The following RANBP17 variants were observed in gnomAD, a reference collection of about 807,000 sequenced individuals.
RANBP17 encodes ran-binding protein 17.
A neutral mutation model predicts 141.2 loss-of-function variants in RANBP17; 158 were observed. That is an observed-to-expected ratio of 1.12 (90% CI 0.98 to 1.28). RANBP17 has a LOEUF of 1.28. Among genes scored for constraint, RANBP17 ranks in the 50% most tolerant of loss-of-function variants. The pLI is 0.00. For missense variants in RANBP17, 1,438 were observed against 1,290.7 expected, an observed-to-expected ratio of 1.11 and a Z score of -1.75; for synonymous variants, 430 against 450.0, an observed-to-expected ratio of 0.96 and a Z score of 0.56.
intron 14 of RANBP17, among the ~76,000 whole-genome samples, chr5:171,012,024 CA>C: frequency 6.6e-6 from 1 of 150,956 alleles, no homozygotes. Context: ...TTTGTTTAAA[CA>C]AATAATATAT....
At chr5:170,987,694 G>A (rs1239576739) in intron 14 of RANBP17, among the ~76,000 whole-genome samples, 3 of 151,592 alleles carry the variant, frequency 2.0e-5, no homozygotes, top group Middle Eastern at 3.2e-3. Context: ...ATTTAAAAAC[G>A]TCTTTGCTGT....
At chr5:171,118,125 G>T (rs556828499) in intron 14 of RANBP17, among the ~76,000 whole-genome samples, 12 of 152,126 alleles carry the variant, frequency 7.9e-5, no homozygotes, top group African/African-American at 2.4e-4. Flanking sequence ...ATTGTTTTAG[G>T]TCTTACATTT....
At chr5:171,189,192 G>T (rs984482709) in intron 18 of RANBP17, among the ~76,000 whole-genome samples, 3 of 152,042 alleles carry the variant, frequency 2.0e-5, no homozygotes, top group Admixed American at 6.6e-5. Context: ...GTTGAATCTG[G>T]ATATAAATAA....
chr5:171,257,500 A>G (rs1343799309), intron 24 of RANBP17, among the ~76,000 whole-genome samples: 1 of 152,174 alleles, frequency 6.6e-6, no homozygotes, highest in Non-Finnish European at 1.5e-5. Context: ...GAACTAAAAC[A>G]AGACAAGGAT....
intron 14 of RANBP17, among the ~76,000 whole-genome samples, chr5:171,089,351 GCT>G (rs1247058260): frequency 2.7e-5 from 4 of 146,622 alleles, no homozygotes; most frequent in Non-Finnish European, 6.0e-5. Context: ...GAGAACCACT[GCT>G]CTCTTCAAAG....
rs1380850691 is a variant in RANBP17, at chr5:170,968,386, C to G, written c.1710+9C>G. 1.9e-6 allele frequency: 3 copies of G among 1,602,558 alleles called. No homozygotes were observed. The South Asian group carries it at 3.4e-5, about 18-fold the overall frequency. Reference sequence around the variant, plus strand: ...TTCAAAGAACCTCAAAGGTAGGTTTCTACTAGAGAGTTTAAAACATGTTAT... The same window carrying G: ...TTCAAAGAACCTCAAAGGTAGGTTTGTACTAGAGAGTTTAAAACATGTTAT... On this transcript the variant is annotated intron_variant, in intron 14 of 27. Coordinates refer to ENST00000523189, the MANE Select transcript of RANBP17 (RefSeq NM_022897.5).
At chr5:170,909,283 A>G (rs568132205) in intron 5 of RANBP17, among the ~76,000 whole-genome samples, 1 of 151,918 alleles carries the variant, frequency 6.6e-6, no homozygotes, top group South Asian at 2.1e-4. Context: ...TTCTGTGGCT[A>G]ATTCAGTTTT....
At chr5:170,920,019 A>G (rs569560227) in intron 11 of RANBP17, among the ~76,000 whole-genome samples, 3 of 152,202 alleles carry the variant, frequency 2.0e-5, no homozygotes, top group South Asian at 2.1e-4. Flanking sequence ...GCTGAGTAGT[A>G]TACCATTTTG....
chr5:171,282,117 A>G (rs965798043), intron 25 of RANBP17, among the ~76,000 whole-genome samples: 1 of 152,252 alleles, frequency 6.6e-6, no homozygotes, highest in African/African-American at 2.4e-5. Context: ...TGATAAGTCT[A>G]TAAATACTTG....
chr5:171,048,400 C>T (rs1436190351), intron 14 of RANBP17, among the ~76,000 whole-genome samples: 1 of 152,128 alleles, frequency 6.6e-6, no homozygotes, highest in Non-Finnish European at 1.5e-5. Flanking sequence ...TCTGTTCACA[C>T]AATCTGTCTT....
intron 13 of RANBP17, among the ~76,000 whole-genome samples, chr5:170,957,858 A>G (rs1375446237): frequency 2.0e-5 from 3 of 152,174 alleles, no homozygotes; most frequent in African/African-American, 7.2e-5. Flanking sequence ...AAGCCTCTCT[A>G]AACAGAAATA....
intron 1 of RANBP17, among the ~76,000 whole-genome samples, chr5:170,865,518 A>G (rs542870380): frequency 5.1e-4 from 78 of 152,106 alleles, no homozygotes; most frequent in Admixed American, 1.4e-3. Context: ...ACTACTCTCT[A>G]CTCGCATTCC....
chr5:171,221,830 T>C lies in RANBP17; in HGVS notation c.2412T>C (p.Val804=). ...TCTTCAGAGAAGCTAGTAAAATGGT[T>C]TGCACTTATGGTGAGTGTCCTTTTC... ...ILLFREASKM[V]CTYGNQILSL... The change falls in exon 22 of 28, where the codon GTT becomes GTC. Residue 804 remains valine (V), a synonymous_variant. Coordinates refer to ENST00000523189, the MANE Select transcript of RANBP17 (RefSeq NM_022897.5). 6.3e-7 allele frequency: 1 copy of C among 1,595,848 alleles called. No individual in the cohort carries two copies. The highest frequency in any genetic ancestry group is 8.6e-7 in the Non-Finnish European group (1 of 1,163,926).
intron 24 of RANBP17, among the ~76,000 whole-genome samples, chr5:171,260,659 T>C (rs2128014354): frequency 6.6e-6 from 1 of 152,174 alleles, no homozygotes; most frequent in Admixed American, 6.5e-5. Flanking sequence ...CTAAGTATCA[T>C]ATATTGATCA....
chr5:170,896,628 G>A (rs1406095302), intron 5 of RANBP17, among the ~76,000 whole-genome samples: 8 of 152,080 alleles, frequency 5.3e-5, no homozygotes, highest in African/African-American at 1.7e-4. Flanking sequence ...TCAGGAATTC[G>A]AGACCAGCCT....
At chr5:171,196,636 G>A (rs10078354) in intron 18 of RANBP17, among the ~76,000 whole-genome samples, 82,558 of 151,804 alleles carry the variant, frequency 0.54, 24,042 homozygotes, top group Middle Eastern at 0.71. Context: ...CTGAGCAGGG[G>A]GATGGGGCGA....
At chr5:170,941,957 G>C (rs1000476319) in intron 12 of RANBP17, among the ~76,000 whole-genome samples, 1 of 152,120 alleles carries the variant, frequency 6.6e-6, no homozygotes, top group Non-Finnish European at 1.5e-5. Context: ...GCCATGAAGC[G>C]GTACTGGTTC....
intron 14 of RANBP17, among the ~76,000 whole-genome samples, chr5:171,089,638 C>T (rs1366252338): frequency 6.6e-6 from 1 of 152,156 alleles, no homozygotes; most frequent in Non-Finnish European, 1.5e-5. Context: ...CCCTCCGAGC[C>T]AGGTGTGGGA....
In RANBP17 at chr5:171,189,679, A is replaced by C. The variant is rs192354046; in HGVS notation, c.2038+6249A>C. ...CACAAGTGATTAGCTACACTTGGCC[A>C]CTCTTGTGCCCGATTAGTCTCTTGT... is the stretch of plus-strand genomic sequence containing the variant. On this transcript the variant is annotated intron_variant, in intron 18 of 27. Transcript: ENST00000523189. Among the ~76,000 whole-genome samples the C allele has an allele frequency of 7.2e-5, 11 of 152,116 alleles. No individual in the cohort carries two copies. In the East Asian group the frequency reaches 1.7e-3, roughly 24 times the overall value.
Sources: gnomAD v4.1 joint callset for allele counts (sites outside exome capture counted in the v4.1 genomes callset) on GRCh38, gnomAD v4.1.1 for gene constraint, MANE v1.5 for transcripts, NCBI Gene and HGNC (gene_info 2026-07-23, HGNC 2026-07-21) for gene names.